The following OXR1 variants were observed in gnomAD, a reference collection of about 807,000 sequenced individuals.
OXR1 encodes the protein oxidation resistance protein 1.
OXR1 carries 41 observed loss-of-function variants against 104.6 expected under a neutral mutation model. The observed-to-expected ratio is 0.39, with a 90% CI of 0.31 to 0.51. The LOEUF is 0.51. Among genes scored for constraint, OXR1 ranks in the 20% least tolerant of loss-of-function variants. The pLI is 0.77. For synonymous variants in OXR1, 348 were observed against 348.4 expected (o/e 1.00, Z 0.01); for missense variants, 955 against 1,031.9 (o/e 0.93, Z 1.02).
At chr8:106,455,265 A>C (rs1483889466) in intron 2 of OXR1, among the ~76,000 whole-genome samples, 1 of 152,210 alleles carries the variant, frequency 6.6e-6, no homozygotes, top group Non-Finnish European at 1.5e-5. Context: ...TAAACAAATA[A>C]AAAGCTCACT....
intron 1 of OXR1, among the ~76,000 whole-genome samples, chr8:106,328,957 C>G (rs1374119207): frequency 1.3e-5 from 2 of 152,128 alleles, no homozygotes; most frequent in African/African-American, 4.8e-5. Context: ...CTTATCACAC[C>G]TGCTTTGAGG....
At chr8:106,288,546 A>G (rs1288724330) in intron 1 of OXR1, among the ~76,000 whole-genome samples, 5 of 137,818 alleles carry the variant, frequency 3.6e-5, no homozygotes, top group Non-Finnish European at 7.7e-5. Flanking sequence ...GTGTGTGTAT[A>G]TATATATAGT....
chr8:106,559,029 C>T (rs1816486083), intron 3 of OXR1, among the ~76,000 whole-genome samples: 1 of 152,140 alleles, frequency 6.6e-6, no homozygotes. Flanking sequence ...ACCTTTAATT[C>T]ATTTTTATTT....
At chr8:106,399,489 A>G (rs1287901039) in intron 2 of OXR1, among the ~76,000 whole-genome samples, 1 of 152,044 alleles carries the variant, frequency 6.6e-6, no homozygotes, top group East Asian at 1.9e-4. Flanking sequence ...AGCTCATTAC[A>G]AAAAAATGGG....
chr8:106,678,287 T>C (rs1004736122), intron 3 of OXR1, among the ~76,000 whole-genome samples: 2 of 152,002 alleles, frequency 1.3e-5, no homozygotes, highest in African/African-American at 4.8e-5. Flanking sequence ...TAAGTTTAGA[T>C]AGAGGGAGAA....
intron 4 of OXR1, among the ~76,000 whole-genome samples, chr8:106,682,744 A>C (rs1393615077): frequency 1.3e-5 from 2 of 152,222 alleles, no homozygotes; most frequent in Non-Finnish European, 2.9e-5. Context: ...CTTTAGTTCA[A>C]ATATTTTTCT....
chr8:106,621,587 C>T (rs967266988), intron 3 of OXR1, among the ~76,000 whole-genome samples: 4 of 150,722 alleles, frequency 2.7e-5, no homozygotes, highest in Non-Finnish European at 5.9e-5. Flanking sequence ...TGAAATAGTA[C>T]TGTTGAATAG....
At chr8:106,736,840 A>G (rs1237014103) in intron 11 of OXR1, among the ~76,000 whole-genome samples, 1 of 149,706 alleles carries the variant, frequency 6.7e-6, no homozygotes, top group Non-Finnish European at 1.5e-5. Flanking sequence ...CCATAAAGAA[A>G]TAAAACAGGA....
chr8:106,366,300 T>C (rs1816466091), intron 2 of OXR1, among the ~76,000 whole-genome samples: 1 of 152,212 alleles, frequency 6.6e-6, no homozygotes, highest in African/African-American at 2.4e-5. Flanking sequence ...CAGTGAATTA[T>C]CACACCAATA....
At chr8:106,491,695 ACC>A (rs1325417288) in intron 2 of OXR1, among the ~76,000 whole-genome samples, 1 of 152,140 alleles carries the variant, frequency 6.6e-6, no homozygotes, top group Non-Finnish European at 1.5e-5. Context: ...GGTTAGAAGA[ACC>A]ACCTCCAGGG....
intron 1 of OXR1, among the ~76,000 whole-genome samples, chr8:106,275,052 A>G (rs1192959738): frequency 6.6e-6 from 1 of 152,262 alleles, no homozygotes; most frequent in African/African-American, 2.4e-5. Context: ...GTATCTGTAC[A>G]AAGAAACATA....
chr8:106,662,261 A>G (rs1825838116), intron 3 of OXR1, among the ~76,000 whole-genome samples: 1 of 152,234 alleles, frequency 6.6e-6, no homozygotes, highest in Non-Finnish European at 1.5e-5. Flanking sequence ...GTGTATATCA[A>G]TAGAGTTGAT....
intron 7 of OXR1, among the ~76,000 whole-genome samples, chr8:106,693,605 A>G (rs939994141): frequency 2.6e-5 from 4 of 151,750 alleles, no homozygotes; most frequent in African/African-American, 9.7e-5. Context: ...AACTTTTTGT[A>G]TTTTTAGTAG....
At chr8:106,527,604 C>A (rs776565043) in intron 3 of OXR1, among the ~76,000 whole-genome samples, 1 of 152,192 alleles carries the variant, frequency 6.6e-6, no homozygotes, top group Non-Finnish European at 1.5e-5. Context: ...ATTAACTATT[C>A]ATTTGCCAGG....
chr8:106,434,163 G>A lies in OXR1; in HGVS notation c.23+74527G>A, dbSNP rs1819477474. Among the ~76,000 whole-genome samples the A allele has an allele frequency of 2.0e-5, 3 of 151,980 alleles. No individual in the cohort carries two copies. In the South Asian group the frequency reaches 6.2e-4, roughly 32 times the overall value. On this transcript the variant is annotated intron_variant, in intron 2 of 16. Coordinates refer to ENST00000517566, the MANE Select transcript of OXR1 (RefSeq NM_001198533.2). ...CTCCTAAAAAAAACTAGAAAATAATGTTACCCATGATTAAATTATTTGTTC... is the reference window on the plus strand; with the variant it reads ...CTCCTAAAAAAAACTAGAAAATAATATTACCCATGATTAAATTATTTGTTC...
intron 1 of OXR1, among the ~76,000 whole-genome samples, chr8:106,356,918 A>G (rs907959073): frequency 3.3e-5 from 5 of 152,090 alleles, no homozygotes; most frequent in African/African-American, 4.8e-5. Flanking sequence ...ACCTAACACA[A>G]TTTTTCCCTT....
At chr8:106,272,031 G>A (rs1462086758) in intron 1 of OXR1, 1 of 152,282 alleles carries the variant, frequency 6.6e-6, no homozygotes, top group Non-Finnish European at 1.5e-5. Context: ...GAGAAGCAGG[G>A]ACAGAGACCA....
chr8:106,580,378 C>T (rs1269384776), intron 3 of OXR1, among the ~76,000 whole-genome samples: 6 of 152,212 alleles, frequency 3.9e-5, no homozygotes, highest in Admixed American at 6.5e-5. Context: ...CCTCAAGGTT[C>T]ATCCATGTTG....
At chr8:106,497,403 T>C (rs952134022) in intron 2 of OXR1, among the ~76,000 whole-genome samples, 1 of 152,150 alleles carries the variant, frequency 6.6e-6, no homozygotes, top group African/African-American at 2.4e-5. Flanking sequence ...ATTAGAAAAT[T>C]TTACAGGCAT....
Sources: allele counts gnomAD v4.1 joint callset (sites outside exome capture counted in the v4.1 genomes callset), GRCh38; gene constraint gnomAD v4.1.1; transcripts MANE v1.5; gene names NCBI Gene and HGNC (gene_info 2026-07-23, HGNC 2026-07-21).